Variants in PCDHAC1 observed in about 807,000 individuals in gnomAD.
PCDHAC1 encodes the protein protocadherin alpha-C1.
In PCDHAC1, 42 loss-of-function variants were observed where a neutral mutation model predicts 60.0. The observed-to-expected ratio is 0.70, with a 90% CI of 0.55 to 0.90. The LOEUF is 0.90. PCDHAC1 is among the 40% of genes least tolerant of loss of function. The pLI is 0.00. For synonymous variants in PCDHAC1, 468 were observed against 499.3 expected (o/e 0.94, Z 0.84); for missense variants, 1,160 against 1,222.3 (o/e 0.95, Z 0.76).
intron 3 of PCDHAC1, among the ~76,000 whole-genome samples, chr5:140,991,132 TAA>T (rs1345264253): frequency 2.0e-5 from 3 of 152,230 alleles, no homozygotes; most frequent in Non-Finnish European, 4.4e-5. Flanking sequence ...ACACAGCTAG[TAA>T]AAATGTTTTT....
intron 1 of PCDHAC1, chr5:140,967,826 G>A (rs782046643): frequency 1.2e-6 from 2 of 1,614,168 alleles, no homozygotes; most frequent in East Asian, 4.5e-5. Context: ...GGTGCTGGTG[G>A]ACATCGTGGA....
intron 3 of PCDHAC1, among the ~76,000 whole-genome samples, chr5:140,996,349 A>G (rs2097722990): frequency 6.6e-6 from 1 of 152,184 alleles, no homozygotes; most frequent in African/African-American, 2.4e-5. Flanking sequence ...AACCCAACCA[A>G]AGTCAGAAGC....
intron 2 of PCDHAC1, 29 bp downstream of exon 2, chr5:140,979,036 A>G: frequency 6.2e-7 from 1 of 1,613,064 alleles, no homozygotes. Context: ...ATTCACTCAG[A>G]AGTAACCTTA....
chr5:140,989,128 G>A (rs2097330831), intron 3 of PCDHAC1: 1 of 152,178 alleles, frequency 6.6e-6, no homozygotes, highest in Non-Finnish European at 1.5e-5. Flanking sequence ...AGAAAAATAA[G>A]ACACTTTATC....
intron 1 of PCDHAC1, among the ~76,000 whole-genome samples, chr5:140,941,214 C>CCTTTCTTTCTTCCTTTCTTTCTTT (rs2092876516): frequency 2.3e-4 from 28 of 122,490 alleles, no homozygotes; most frequent in Middle Eastern, 4.2e-3. Context: ...TTTCTTTCTT[C>CCTTTCTTTCTTCCTTTCTTTCTTT]CTTTCTTTCT....
chr5:140,971,652 G>A (rs1554233517), intron 1 of PCDHAC1, among the ~76,000 whole-genome samples: 1 of 152,134 alleles, frequency 6.6e-6, no homozygotes, highest in African/African-American at 2.4e-5. Context: ...ATTAAAAGTA[G>A]ATGGGAATTA....
rs2098421437 is a variant in PCDHAC1, at chr5:141,011,660, T to G, written c.*1723T>G. The G allele has an allele frequency of 6.5e-6, 1 of 153,726 alleles. No individual in the cohort carries two copies. Among genetic ancestry groups the G allele is most frequent in the African/African-American group, 2.4e-5 (1 of 41,436 alleles). The allele number at this position is 153,726 out of a possible 1,614,324, so 9.5% of individuals were successfully genotyped here. On this transcript the variant is annotated 3_prime_UTR_variant, in exon 4 of 4. Coordinates refer to ENST00000253807, the MANE Select transcript of PCDHAC1 (RefSeq NM_018898.5). ...GCCAAGACTTCTGCTGGCAAGGGAATGGATAAAGCTGTTTTGTTCTAGTAA... is the reference window on the plus strand; with the variant it reads ...GCCAAGACTTCTGCTGGCAAGGGAAGGGATAAAGCTGTTTTGTTCTAGTAA...
In PCDHAC1 at chr5:140,926,980, A is replaced by C; in HGVS notation, c.88A>C (p.Thr30Pro). The C allele has an allele frequency of 3.1e-6, 5 of 1,610,364 alleles. No homozygotes were observed. The highest frequency in any genetic ancestry group is 4.2e-6 in the Non-Finnish European group (5 of 1,177,562). The change falls in exon 1 of 4, where the codon ACG (threonine) becomes CCG (proline). Residue 30 changes from threonine to proline, a missense_variant. Transcript: ENST00000253807. Reference sequence around the variant, plus strand: ...GCTCGAGTACTCAGTGCCGGAGGAGACGGAGCGGGGCGTAGCCGTAGGCAA... The same window carrying C: ...GCTCGAGTACTCAGTGCCGGAGGAGCCGGAGCGGGGCGTAGCCGTAGGCAA... ...GQLEYSVPEETERGVAVGNLS... is the reference protein window; with the variant it reads ...GQLEYSVPEEPERGVAVGNLS...
intron 1 of PCDHAC1, among the ~76,000 whole-genome samples, chr5:140,932,053 C>T (rs1358715698): frequency 6.6e-6 from 1 of 151,780 alleles, no homozygotes; most frequent in Non-Finnish European, 1.5e-5. Flanking sequence ...GCCTGTAATA[C>T]TAAAAATTAT....
At position 140,926,958 on chromosome 5, in the gene PCDHAC1, C is replaced by G. The variant is rs782614627; in HGVS notation, c.66C>G (p.Leu22=). The G allele has an allele frequency of 1.9e-6, 3 of 1,603,116 alleles. No individual in the cohort carries two copies. Among genetic ancestry groups the G allele is most frequent in the Admixed American group, 1.7e-5 (1 of 59,344 alleles). The change falls in exon 1 of 4, where the codon CTC becomes CTG. Residue 22 remains leucine (L), a synonymous_variant. Transcript: ENST00000253807. ...WVSCGAAAGQ[L]EYSVPEETER... is the part of the protein sequence containing the mutation. The stretch of plus-strand genomic sequence containing the variant: ...CCTGCGGCGCTGCAGCGGGACAGCT[C>G]GAGTACTCAGTGCCGGAGGAGACGG...
chr5:140,994,317 T>A (rs1053879490), intron 3 of PCDHAC1, among the ~76,000 whole-genome samples: 7 of 152,086 alleles, frequency 4.6e-5, no homozygotes, highest in African/African-American at 1.7e-4. Flanking sequence ...GCCCAAACAC[T>A]CTCAGCAACC....
Position 140,968,830 on chromosome 5 carries a change from C to T in PCDHAC1, c.2434-10119C>T, listed in dbSNP as rs782771762. On this transcript the variant is annotated intron_variant, in intron 1 of 3. Coordinates refer to ENST00000253807, the MANE Select transcript of PCDHAC1 (RefSeq NM_018898.5). The stretch of plus-strand genomic sequence containing the variant: ...TGGTGGATAGGGTTTCCAAAATCCT[C>T]CCTGACACTCAGAGGCATGTTAAGA... 48 of 1,614,080 alleles carry T rather than the reference C, an allele frequency of 3.0e-5. No homozygotes were observed. The Admixed American group carries it at 8.0e-4, about 27-fold the overall frequency.
chr5:140,941,255 C>CTTTCTTTCTTTCTTTCTTTCTT (rs782490896), intron 1 of PCDHAC1, among the ~76,000 whole-genome samples: 2 of 44,508 alleles, frequency 4.5e-5, no homozygotes, highest in African/African-American at 1.4e-4. Context: ...TTCTTTCTTT[C>CTTTCTTTCTTTCTTTCTTTCTT]TCTTTCTTTC....
rs1450871721 is a variant in PCDHAC1, at chr5:140,999,541, C to T, written c.2582-10086C>T. 3.3e-5 allele frequency among the ~76,000 whole-genome samples: 5 copies of T among 152,150 alleles called. No individual in the cohort carries two copies. The East Asian group carries it at 9.7e-4, about 29-fold the overall frequency. On this transcript the variant is annotated intron_variant, in intron 3 of 3. Coordinates refer to ENST00000253807, the MANE Select transcript of PCDHAC1 (RefSeq NM_018898.5). ...TTTGTTACCCCCTGGATATGACAGC[C>T]AATGAAGAGGGGGTATTTTGAGAAG...
chr5:140,967,908 A>G (rs554849478), intron 1 of PCDHAC1: 5 of 1,614,138 alleles, frequency 3.1e-6, no homozygotes, highest in East Asian at 2.2e-5. Flanking sequence ...GCTACACCCA[A>G]CACCATTGTG....
Position 140,978,839 on chromosome 5 carries a change from C to CT in PCDHAC1, c.2434-104dup, listed in dbSNP as rs5871758. On this transcript the variant is annotated intron_variant, in intron 1 of 3. Transcript: ENST00000253807. ...TACACATGAAATGGCTCATTCAATA[C>CT]TTTTTTAGATGCCTGGAAATATTTA... 14,607 of 1,556,970 alleles carry CT rather than the reference C, an allele frequency of 9.4e-3. 629 individuals carry two copies. The African/African-American group carries it at 0.12, about 13-fold the overall frequency.
rs1554205800 is a variant in PCDHAC1, at chr5:140,928,344, G to T, written c.1452G>T (p.Leu484=). The stretch of plus-strand genomic sequence containing the variant: ...AGAATGGCCTTGTCTCTTATGAGCT[G>T]TTGGATGTTATCTCTGAAGGGCCAT... ...LGKNGLVSYE[L]LDVISEGPSA... Residue 484 remains leucine (L), a synonymous_variant, in exon 1 of 4, where the codon CTG becomes CTT. Transcript: ENST00000253807. 2 of 1,614,168 alleles carry T rather than the reference G, an allele frequency of 1.2e-6. No homozygotes were observed. Among genetic ancestry groups the T allele is most frequent in the East Asian group, 2.2e-5 (1 of 44,882 alleles).
chr5:140,995,233 G>A (rs1359304274), intron 3 of PCDHAC1, among the ~76,000 whole-genome samples: 1 of 152,128 alleles, frequency 6.6e-6, no homozygotes, highest in Non-Finnish European at 1.5e-5. Flanking sequence ...TTTGGGGCCA[G>A]TATTAAGTAA....
intron 1 of PCDHAC1, among the ~76,000 whole-genome samples, chr5:140,950,128 A>T (rs1488144119): frequency 6.6e-6 from 1 of 151,920 alleles, no homozygotes; most frequent in Non-Finnish European, 1.5e-5. Flanking sequence ...AACCCACAAG[A>T]CACAGTTATA....
Sources: gnomAD v4.1 joint callset for allele counts (sites outside exome capture counted in the v4.1 genomes callset) on GRCh38, gnomAD v4.1.1 for gene constraint, MANE v1.5 for transcripts, NCBI Gene and HGNC (gene_info 2026-07-23, HGNC 2026-07-21) for gene names.